Variants in IL1RAPL1 observed in about 807,000 individuals in gnomAD.
IL1RAPL1 encodes the protein interleukin 1 receptor accessory protein like 1.
Under a neutral mutation model 48.4 loss-of-function variants are expected in IL1RAPL1, and 3 were observed. The ratio of observed to expected loss-of-function variants is 0.06; its 90% CI spans 0.03 to 0.16. The LOEUF (loss-of-function observed/expected upper bound fraction) is 0.16. IL1RAPL1 is among the 10% of genes least tolerant of loss of function. The pLI, the probability that IL1RAPL1 is intolerant of heterozygous loss-of-function variation, is 1.00. For missense variants in IL1RAPL1, 349 were observed against 530.6 expected, an observed-to-expected ratio of 0.66 and a Z score of 3.36; for synonymous variants, 185 against 187.7, an observed-to-expected ratio of 0.99 and a Z score of 0.12.
At chrX:28,972,656 G>A (rs896400994) in intron 2 of IL1RAPL1, among the ~76,000 whole-genome samples, 3 of 111,174 alleles carry the variant, frequency 2.7e-5, no homozygotes, top group South Asian at 3.9e-4. Flanking sequence ...GGAGAATGGC[G>A]TGAACCTAGG....
chrX:28,978,770 T>C (rs980334435), intron 2 of IL1RAPL1, among the ~76,000 whole-genome samples: 22 of 111,885 alleles, frequency 2.0e-4, no homozygotes, highest in African/African-American at 7.1e-4. Flanking sequence ...ATTTATCAAG[T>C]GGGCACCAGA....
intron 2 of IL1RAPL1, among the ~76,000 whole-genome samples, chrX:29,281,856 C>G (rs1300378898): frequency 1.8e-5 from 2 of 112,075 alleles, no homozygotes; most frequent in Non-Finnish European, 3.8e-5. Flanking sequence ...GTGGCTTAAA[C>G]AAAAGATATT....
At chrX:28,729,489 GA>G (rs1935726645) in intron 1 of IL1RAPL1, among the ~76,000 whole-genome samples, 1 of 111,269 alleles carries the variant, frequency 9.0e-6, no homozygotes. Context: ...AAGATAAATG[GA>G]TCTTAATAGT....
intron 2 of IL1RAPL1, among the ~76,000 whole-genome samples, chrX:29,153,258 A>G (rs181634730): frequency 9.0e-6 from 1 of 111,682 alleles, no homozygotes; most frequent in Non-Finnish European, 1.9e-5. Context: ...ACCCTGGCTT[A>G]TCTCTGTATC....
chrX:29,820,816 C>G (rs1265244253), intron 6 of IL1RAPL1, among the ~76,000 whole-genome samples: 2 of 111,970 alleles, frequency 1.8e-5, no homozygotes, highest in African/African-American at 6.5e-5. Context: ...AAAACTCATA[C>G]TTTTAACTAA....
At chrX:29,731,233 C>T (rs1927910162) in intron 6 of IL1RAPL1, among the ~76,000 whole-genome samples, 1 of 112,071 alleles carries the variant, frequency 8.9e-6, no homozygotes, top group South Asian at 3.7e-4. Context: ...TATAGCTTTC[C>T]ATCTAGTCTC....
At chrX:29,633,468 T>TATACACACACACAC (rs762146549) in intron 5 of IL1RAPL1, among the ~76,000 whole-genome samples, 31 of 97,753 alleles carry the variant, frequency 3.2e-4, no homozygotes, top group African/African-American at 1.1e-3. Context: ...GATATATATA[T>TATACACACACACAC]ACACACACAC....
chrX:28,791,225 G>A (rs966633322), intron 2 of IL1RAPL1, among the ~76,000 whole-genome samples: 19 of 110,818 alleles, frequency 1.7e-4, no homozygotes, highest in African/African-American at 6.2e-4. Flanking sequence ...TAATTTGGGG[G>A]CAAGAAATTT....
At chrX:29,783,073 T>G (rs1257910707) in intron 6 of IL1RAPL1, among the ~76,000 whole-genome samples, 1 of 105,786 alleles carries the variant, frequency 9.5e-6, no homozygotes, top group Admixed American at 1.0e-4. Flanking sequence ...CCCGGCTAAT[T>G]TTTTGTATTT....
At chrX:28,676,730 C>G (rs1194318717) in intron 1 of IL1RAPL1, among the ~76,000 whole-genome samples, 1 of 86,779 alleles carries the variant, frequency 1.2e-5, no homozygotes, top group East Asian at 4.6e-4. Flanking sequence ...GAGAGTCTGA[C>G]TGAAAAAAAA....
rs778150694 is a variant in IL1RAPL1, at chrX:29,941,586, G to A, written c.1058-65G>A. On this transcript the variant is annotated intron_variant, in intron 8 of 10. Coordinates refer to ENST00000378993, the MANE Select transcript of IL1RAPL1 (RefSeq NM_014271.4). ...ATCCAGGAAAATGTGAAATCAAACTGAGTTTAATTTATGATTTTGGATGTG... is the reference window on the plus strand; with the variant it reads ...ATCCAGGAAAATGTGAAATCAAACTAAGTTTAATTTATGATTTTGGATGTG... The A allele has an allele frequency of 3.2e-5, 35 of 1,089,750 alleles. No homozygotes were observed. The African/African-American group carries it at 5.3e-4, about 16-fold the overall frequency. 89.8% of individuals were successfully genotyped at this position (1,089,750 alleles called of 1,213,427 possible). A position where few individuals can be genotyped will look rare whatever the true frequency, so the allele number is the denominator to read the frequency against.
At chrX:29,399,504 A>G (rs1206767852) in intron 5 of IL1RAPL1, among the ~76,000 whole-genome samples, 196 bp downstream of exon 5, 1 of 111,841 alleles carries the variant, frequency 8.9e-6, no homozygotes, top group Admixed American at 9.5e-5. Flanking sequence ...GCTAGAGACA[A>G]TATGTTTAGG....
At position 29,056,724 on chromosome X, in the gene IL1RAPL1, C is replaced by T. The variant is rs768035867; in HGVS notation, c.83-226214C>T. On this transcript the variant is annotated intron_variant, in intron 2 of 10. Coordinates refer to ENST00000378993, the MANE Select transcript of IL1RAPL1 (RefSeq NM_014271.4). ...TGCCATGCTGGTTTGCTCTACCTAT[C>T]GACCTATCCCCTAGGTCTTAAACCC... Among the ~76,000 whole-genome samples, 301 of 111,504 alleles carry T rather than the reference C, an allele frequency of 2.7e-3. 1 individual carries two copies. Among genetic ancestry groups the T allele is most frequent in the Non-Finnish European group, 4.8e-3 (253 of 53,085 alleles).
chrX:29,479,088 A>G (rs763176537), intron 5 of IL1RAPL1, among the ~76,000 whole-genome samples: 12 of 106,944 alleles, frequency 1.1e-4, no homozygotes, highest in Non-Finnish European at 1.9e-4. Context: ...AGCCCTTAGC[A>G]TGTAGTATCT....
intron 2 of IL1RAPL1, among the ~76,000 whole-genome samples, chrX:28,891,579 T>G: frequency 8.9e-6 from 1 of 112,333 alleles, no homozygotes; most frequent in African/African-American, 3.2e-5. Context: ...ACTGGCCTAC[T>G]TCACTTAGCA....
At chrX:28,768,555 A>G (rs1296597038) in intron 1 of IL1RAPL1, among the ~76,000 whole-genome samples, 3 of 108,198 alleles carry the variant, frequency 2.8e-5, no homozygotes, top group Non-Finnish European at 5.7e-5. Context: ...GTCAATATCA[A>G]TTTTATTCTG....
chrX:29,339,127 T>C (rs1465135796), intron 3 of IL1RAPL1, among the ~76,000 whole-genome samples: 1 of 96,900 alleles, frequency 1.0e-5, no homozygotes, highest in Non-Finnish European at 2.1e-5. Flanking sequence ...CACACTCAAA[T>C]ATCACATGTT....
At chrX:29,481,124 C>T (rs1935038118) in intron 5 of IL1RAPL1, among the ~76,000 whole-genome samples, 1 of 112,260 alleles carries the variant, frequency 8.9e-6, no homozygotes, top group Non-Finnish European at 1.9e-5. Flanking sequence ...TCTTTACATT[C>T]TCTGCTTCAT....
intron 2 of IL1RAPL1, among the ~76,000 whole-genome samples, chrX:28,874,642 A>G (rs1213809390): frequency 1.8e-5 from 2 of 112,396 alleles, no homozygotes; most frequent in East Asian, 5.6e-4. Context: ...ATATTTTTCA[A>G]TGAACCAGCA....
Sources: gnomAD v4.1 joint callset for allele counts (sites outside exome capture counted in the v4.1 genomes callset) on GRCh38, gnomAD v4.1.1 for gene constraint, MANE v1.5 for transcripts, NCBI Gene and HGNC (gene_info 2026-07-23, HGNC 2026-07-21) for gene names.